The following JAM3 variants were observed in gnomAD, a reference collection of about 807,000 sequenced individuals.
The protein encoded by JAM3 is junctional adhesion molecule 3, also known as junctional adhesion molecule C.
JAM3 carries 31 observed loss-of-function variants against 39.4 expected under a neutral mutation model. The ratio of observed to expected loss-of-function variants is 0.79; its 90% CI spans 0.59 to 1.06. JAM3 has a LOEUF of 1.06. JAM3 is among the 50% of genes least tolerant of loss of function. The probability of loss-of-function intolerance (pLI) is 0.00; values close to 1 mark genes in which losing one functional copy is unlikely to be tolerated. For missense variants in JAM3, 455 were observed against 391.4 expected (o/e 1.16, Z -1.37); for synonymous variants, 182 against 148.7 (o/e 1.22, Z -1.63).
At chr11:134,131,711 C>A (rs576801854) in intron 1 of JAM3, among the ~76,000 whole-genome samples, 1 of 152,264 alleles carries the variant, frequency 6.6e-6, no homozygotes. Flanking sequence ...ATCAGGCAAA[C>A]AGTCCCTGAA....
intron 1 of JAM3, among the ~76,000 whole-genome samples, chr11:134,071,253 T>C (rs1432779312): frequency 6.6e-6 from 1 of 152,218 alleles, no homozygotes; most frequent in Non-Finnish European, 1.5e-5. Context: ...GTCGTTACTA[T>C]TGTTGTGCCC....
At chr11:134,139,605 T>G in intron 1 of JAM3, 1 of 523,664 alleles carries the variant, frequency 1.9e-6, no homozygotes, top group South Asian at 2.0e-5. Context: ...GGCTTTGTTC[T>G]GGGACTAAAA....
chr11:134,109,626 A>T (rs767692344), intron 1 of JAM3, among the ~76,000 whole-genome samples: 1 of 152,220 alleles, frequency 6.6e-6, no homozygotes, highest in African/African-American at 2.4e-5. Context: ...ATGGAATCAC[A>T]TAAATGGTCA....
chr11:134,117,384 A>AAG, intron 1 of JAM3, among the ~76,000 whole-genome samples: 1 of 151,634 alleles, frequency 6.6e-6, no homozygotes, highest in South Asian at 2.1e-4. Flanking sequence ...CATCTCAAAA[A>AAG]AAGAAAAACA....
chr11:134,140,383 T>A (rs1942952083), intron 2 of JAM3, among the ~76,000 whole-genome samples: 1 of 152,170 alleles, frequency 6.6e-6, no homozygotes, highest in Non-Finnish European at 1.5e-5. Flanking sequence ...GTGCTAAGAT[T>A]ACAGGTGTGA....
At chr11:134,145,119 T>TCCCTAACATTCTA in intron 5 of JAM3, 125 bp downstream of exon 5, 1 of 811,670 alleles carries the variant, frequency 1.2e-6, no homozygotes, top group Non-Finnish European at 2.1e-6. Context: ...AAATCTAGAA[T>TCCCTAACATTCTA]GTTAGGGATT....
At chr11:134,094,621 T>G (rs1941942091) in intron 1 of JAM3, among the ~76,000 whole-genome samples, 1 of 64,220 alleles carries the variant, frequency 1.6e-5, no homozygotes, top group Non-Finnish European at 2.9e-5. Context: ...AAGCTTCTCC[T>G]GAACCCTCCT....
At chr11:134,126,199 G>C (rs565479903) in intron 1 of JAM3, 3 of 152,164 alleles carry the variant, frequency 2.0e-5, no homozygotes, top group Admixed American at 1.3e-4. Context: ...CTTGAGCCTA[G>C]AAATTACTTA....
chr11:134,071,159 A>G (rs1009231888), intron 1 of JAM3, among the ~76,000 whole-genome samples: 1 of 152,120 alleles, frequency 6.6e-6, no homozygotes, highest in African/African-American at 2.4e-5. Flanking sequence ...AACAGCAAAC[A>G]TTTCTTTTGT....
intron 3 of JAM3, among the ~76,000 whole-genome samples, chr11:134,141,729 G>T (rs1194242498): frequency 3.3e-5 from 5 of 152,084 alleles, no homozygotes; most frequent in Non-Finnish European, 5.9e-5. Flanking sequence ...GAGACTCGAG[G>T]GGAGGCCTGC....
chr11:134,085,600 A>C (rs1941735112), intron 1 of JAM3, among the ~76,000 whole-genome samples: 1 of 152,186 alleles, frequency 6.6e-6, no homozygotes, highest in Non-Finnish European at 1.5e-5. Flanking sequence ...TGGGGGCTCC[A>C]CTATGACTAC....
chr11:134,128,413 T>C (rs1942695947), intron 1 of JAM3, among the ~76,000 whole-genome samples: 1 of 152,206 alleles, frequency 6.6e-6, no homozygotes, highest in African/African-American at 2.4e-5. Flanking sequence ...AATTTAGAAT[T>C]TCTGTATTTG....
Position 134,139,845 on chromosome 11 carries a change from C to T in JAM3, c.77-6C>T, listed in dbSNP as rs753836276. ...GTCTCTGATTTTACTTTTCTTTCTC[C>T]TTCAGGCTGCCTGATAGGGGCTGTA... On this transcript the variant is annotated splice_region_variant and splice_polypyrimidine_tract_variant and intron_variant, in intron 1 of 8. Transcript: ENST00000299106. 7 of 1,612,538 alleles carry T rather than the reference C, an allele frequency of 4.3e-6. No individual in the cohort carries two copies. Among genetic ancestry groups the T allele is most frequent in the African/African-American group, 1.3e-5 (1 of 74,914 alleles).
chr11:134,149,065 G>A, intron 8 of JAM3, 81 bp from the exon 9 acceptor site: 1 of 1,498,586 alleles, frequency 6.7e-7, no homozygotes, highest in Non-Finnish European at 9.3e-7. Context: ...TCTGTATTTA[G>A]CCCATGTTAG....
At chr11:134,091,355 TGTG>T (rs1941848402) in intron 1 of JAM3, among the ~76,000 whole-genome samples, 3 of 151,868 alleles carry the variant, frequency 2.0e-5, no homozygotes, top group South Asian at 4.2e-4. Flanking sequence ...ATTAGCCAGG[TGTG>T]GTGGCACGCG....
At chr11:134,106,363 C>A (rs1434044946) in intron 1 of JAM3, among the ~76,000 whole-genome samples, 5 of 152,052 alleles carry the variant, frequency 3.3e-5, no homozygotes, top group Non-Finnish European at 5.9e-5. Flanking sequence ...GGATTAAAGA[C>A]TTAAATGTTA....
chr11:134,073,780 T>A (rs1941520303), intron 1 of JAM3, among the ~76,000 whole-genome samples: 1 of 152,252 alleles, frequency 6.6e-6, no homozygotes, highest in Non-Finnish European at 1.5e-5. Context: ...TTTAATTTTT[T>A]TGTATCTTTC....
chr11:134,111,166 T>G (rs932534063), intron 1 of JAM3, among the ~76,000 whole-genome samples: 6 of 122,648 alleles, frequency 4.9e-5, no homozygotes, highest in African/African-American at 1.7e-4. Flanking sequence ...TTTTTTGAGA[T>G]GGAGTCTCAC....
At chr11:134,095,099 T>G (rs1477792374) in intron 1 of JAM3, among the ~76,000 whole-genome samples, 1 of 152,226 alleles carries the variant, frequency 6.6e-6, no homozygotes, top group African/African-American at 2.4e-5. Flanking sequence ...TAATGAATCT[T>G]AGAAAACTGT....
Sources: allele counts gnomAD v4.1 joint callset (sites outside exome capture counted in the v4.1 genomes callset), GRCh38; gene constraint gnomAD v4.1.1; transcripts MANE v1.5; gene names NCBI Gene and HGNC (gene_info 2026-07-23, HGNC 2026-07-21).